The following OSBPL10 variants were observed in gnomAD, a reference collection of about 807,000 sequenced individuals.
OSBPL10 encodes oxysterol-binding protein-related protein 10.
OSBPL10 carries 49 observed loss-of-function variants against 81.7 expected under a neutral mutation model. The observed-to-expected ratio is 0.60, with a 90% CI of 0.48 to 0.76. The LOEUF (loss-of-function observed/expected upper bound fraction) is 0.76, where lower values mean the gene tolerates loss of function less well. Ranked by LOEUF, OSBPL10 falls within the 30% of genes least tolerant of loss-of-function variation. OSBPL10 has a pLI of 0.00. For missense variants in OSBPL10, 923 were observed against 987.8 expected, an observed-to-expected ratio of 0.93 and a Z score of 0.88; for synonymous variants, 419 against 383.6, an observed-to-expected ratio of 1.09 and a Z score of -1.08.
At chr3:31,756,627 G>A (rs1697897126) in intron 4 of OSBPL10, among the ~76,000 whole-genome samples, 1 of 152,168 alleles carries the variant, frequency 6.6e-6, no homozygotes, top group Admixed American at 6.5e-5. Context: ...ACTTTAGAAT[G>A]TATCATCTCT....
intron 3 of OSBPL10, among the ~76,000 whole-genome samples, chr3:31,854,854 T>C (rs183300443): frequency 6.6e-6 from 1 of 152,316 alleles, no homozygotes; most frequent in African/African-American, 2.4e-5. Flanking sequence ...ACTGCTTCAG[T>C]GTGTCTTTCT....
At chr3:32,016,910 G>A (rs773495093) in intron 2 of OSBPL10, among the ~76,000 whole-genome samples, 1 of 152,122 alleles carries the variant, frequency 6.6e-6, no homozygotes, top group Non-Finnish European at 1.5e-5. Context: ...TAAAGACCTG[G>A]CACCCACATG....
At chr3:31,880,705 T>C (rs1695541960) in intron 1 of OSBPL10, among the ~76,000 whole-genome samples, 1 of 152,216 alleles carries the variant, frequency 6.6e-6, no homozygotes, top group African/African-American at 2.4e-5. Flanking sequence ...CCAAGTTGCC[T>C]CCTGCCACAG....
chr3:31,892,495 G>A (rs1003021942), intron 1 of OSBPL10, among the ~76,000 whole-genome samples: 1 of 152,288 alleles, frequency 6.6e-6, no homozygotes, highest in East Asian at 1.9e-4. Context: ...TTCTCTCAAC[G>A]TGACGACTGG....
intron 4 of OSBPL10, among the ~76,000 whole-genome samples, chr3:31,798,632 T>C (rs1229938425): frequency 1.3e-5 from 2 of 152,206 alleles, no homozygotes; most frequent in African/African-American, 2.4e-5. Context: ...TAATTACATA[T>C]GTGGCTTACA....
intron 1 of OSBPL10, among the ~76,000 whole-genome samples, chr3:31,903,612 T>G (rs1696319250): frequency 6.6e-6 from 1 of 152,160 alleles, no homozygotes; most frequent in African/African-American, 2.4e-5. Flanking sequence ...ATTATAGGCA[T>G]GAGCCAGCAT....
intron 4 of OSBPL10, among the ~76,000 whole-genome samples, chr3:31,817,961 T>C (rs1699885849): frequency 1.3e-5 from 2 of 152,092 alleles, no homozygotes; most frequent in Admixed American, 1.3e-4. Context: ...AAAAATTAGC[T>C]GGGCATGGTG....
intron 4 of OSBPL10, among the ~76,000 whole-genome samples, chr3:31,779,905 G>A (rs1047514533): frequency 2.0e-5 from 3 of 152,122 alleles, no homozygotes; most frequent in African/African-American, 7.2e-5. Context: ...GAACCCTCAA[G>A]AATATACAAA....
intron 3 of OSBPL10, among the ~76,000 whole-genome samples, chr3:31,875,274 CCTT>C (rs1410857845): frequency 6.6e-6 from 1 of 151,974 alleles, no homozygotes; most frequent in Non-Finnish European, 1.5e-5. Flanking sequence ...GGGGATAAGT[CCTT>C]CTACTCTTAT....
At chr3:31,744,469 C>T (rs978043691) in intron 5 of OSBPL10, among the ~76,000 whole-genome samples, 2 of 142,568 alleles carry the variant, frequency 1.4e-5, no homozygotes, top group Non-Finnish European at 3.0e-5. Context: ...ACCTGGGAAG[C>T]GGAGGTTGCA....
rs397957994 is a variant in OSBPL10 at position 31,885,995 on chromosome 3, C to CAA, written c.282-6167_282-6166dup. ...GGGAAACAAGAGCGAAACTCCATCT[C>CAA]AAAAAAAAAAAAAAAAAAAGAAAGA... On this transcript the variant is annotated intron_variant, in intron 1 of 11. Transcript: ENST00000396556. Among the ~76,000 whole-genome samples, 484 of 62,118 alleles carry CAA rather than the reference C, an allele frequency of 7.8e-3. 10 individuals are homozygous for CAA. The highest frequency in any genetic ancestry group is 0.051 in the Middle Eastern group (5 of 98). The allele number at this position is 62,118 out of a possible 152,430, so 40.8% of individuals were successfully genotyped here.
At chr3:31,775,453 G>A (rs543320543) in intron 4 of OSBPL10, among the ~76,000 whole-genome samples, 1 of 152,130 alleles carries the variant, frequency 6.6e-6, no homozygotes, top group African/African-American at 2.4e-5. Context: ...GAAAAGAAGG[G>A]ATGGTTAAGG....
At chr3:31,944,726 T>G (rs1016113248) in intron 1 of OSBPL10, among the ~76,000 whole-genome samples, 1 of 150,728 alleles carries the variant, frequency 6.6e-6, no homozygotes, top group South Asian at 2.1e-4. Flanking sequence ...CATCAGCCAA[T>G]CTGGTTGCTT....
chr3:31,837,933 G>A (rs1700400797), intron 3 of OSBPL10, among the ~76,000 whole-genome samples: 1 of 152,052 alleles, frequency 6.6e-6, no homozygotes, highest in African/African-American at 2.4e-5. Context: ...ACAACTTAAT[G>A]TTGTAAAGAT....
chr3:31,927,511 A>G (rs2125714560), intron 1 of OSBPL10, among the ~76,000 whole-genome samples: 1 of 152,322 alleles, frequency 6.6e-6, no homozygotes, highest in East Asian at 1.9e-4. Context: ...TAAACTGAAC[A>G]ACCTATGTCA....
chr3:31,680,921 G>A (rs1700624319), intron 8 of OSBPL10, among the ~76,000 whole-genome samples: 1 of 152,124 alleles, frequency 6.6e-6, no homozygotes, highest in Non-Finnish European at 1.5e-5. Context: ...TCATGAATTG[G>A]GATTTTTCTA....
At chr3:31,997,597 A>G (rs1367153321) in intron 2 of OSBPL10, among the ~76,000 whole-genome samples, 1 of 151,758 alleles carries the variant, frequency 6.6e-6, no homozygotes, top group Non-Finnish European at 1.5e-5. Flanking sequence ...GAGTTAGTGA[A>G]TTAGCAAATG....
At chr3:31,759,470 T>C (rs1486940904) in intron 4 of OSBPL10, among the ~76,000 whole-genome samples, 1 of 152,180 alleles carries the variant, frequency 6.6e-6, no homozygotes, top group Admixed American at 6.5e-5. Flanking sequence ...AGAATACTCA[T>C]CATAGAAAAA....
chr3:31,961,986 G>A (rs1238587182), intron 1 of OSBPL10, among the ~76,000 whole-genome samples: 10 of 146,922 alleles, frequency 6.8e-5, no homozygotes, highest in Admixed American at 2.7e-4. Context: ...ACGGAGTCTC[G>A]CTCTGTCGCC....
Sources: allele counts gnomAD v4.1 joint callset (sites outside exome capture counted in the v4.1 genomes callset), GRCh38; gene constraint gnomAD v4.1.1; transcripts MANE v1.5; gene names NCBI Gene and HGNC (gene_info 2026-07-23, HGNC 2026-07-21).